Variants in SNTG1 observed in about 807,000 individuals in gnomAD.
SNTG1 encodes syntrophin gamma 1.
In SNTG1, 39 loss-of-function variants were observed where a neutral mutation model predicts 74.7. That is an observed-to-expected ratio of 0.52 (90% CI 0.40 to 0.68). The LOEUF (loss-of-function observed/expected upper bound fraction) is 0.68. SNTG1 is among the 30% of genes least tolerant of loss of function. SNTG1 has a pLI of 0.00. For synonymous variants in SNTG1, 254 were observed against 217.1 expected (o/e 1.17, Z -1.49); for missense variants, 685 against 609.5 (o/e 1.12, Z -1.30).
intron 2 of SNTG1, among the ~76,000 whole-genome samples, chr8:50,188,533 A>T (rs1312799752): frequency 1.3e-5 from 2 of 152,116 alleles, no homozygotes; most frequent in Admixed American, 6.6e-5. Flanking sequence ...GGGTACTCTC[A>T]TGTGGGTTCA....
At chr8:50,699,424 A>G (rs575857350) in intron 15 of SNTG1, among the ~76,000 whole-genome samples, 1 of 152,278 alleles carries the variant, frequency 6.6e-6, no homozygotes, top group Admixed American at 6.5e-5. Context: ...TTTTGCTTTC[A>G]TATGTGCAAA....
chr8:50,372,214 C>A (rs2092284870), intron 2 of SNTG1, among the ~76,000 whole-genome samples: 1 of 149,898 alleles, frequency 6.7e-6, no homozygotes, highest in East Asian at 1.9e-4. Context: ...ATTGATCTTT[C>A]TCTGTGTGTG....
chr8:50,735,711 C>T (rs745715322), intron 17 of SNTG1, among the ~76,000 whole-genome samples: 15 of 152,048 alleles, frequency 9.9e-5, no homozygotes, highest in Non-Finnish European at 1.8e-4. Flanking sequence ...GGATAATATC[C>T]AGGAGAACTT....
At chr8:50,696,063 T>C (rs752302594) in intron 15 of SNTG1, among the ~76,000 whole-genome samples, 6 of 152,008 alleles carry the variant, frequency 3.9e-5, no homozygotes, top group Non-Finnish European at 7.4e-5. Flanking sequence ...ATAAAGTTTG[T>C]ACCAATTTAC....
chr8:50,721,141 A>C (rs944637322), intron 17 of SNTG1, among the ~76,000 whole-genome samples: 4 of 152,172 alleles, frequency 2.6e-5, no homozygotes, highest in Non-Finnish European at 5.9e-5. Context: ...AATGCATTAC[A>C]GTTTTGAATG....
chr8:50,038,039 C>A (rs142904034), intron 1 of SNTG1, among the ~76,000 whole-genome samples: 1 of 152,134 alleles, frequency 6.6e-6, no homozygotes, highest in Non-Finnish European at 1.5e-5. Context: ...ACTCCAACTA[C>A]GATACGCTTT....
At chr8:50,262,112 A>C (rs962706458) in intron 2 of SNTG1, among the ~76,000 whole-genome samples, 1 of 152,174 alleles carries the variant, frequency 6.6e-6, no homozygotes, top group Non-Finnish European at 1.5e-5. Flanking sequence ...TAAATAACAC[A>C]TGGGTCAAAG....
intron 8 of SNTG1, among the ~76,000 whole-genome samples, chr8:50,495,951 C>A (rs984802595): frequency 1.2e-4 from 18 of 152,110 alleles, no homozygotes; most frequent in African/African-American, 4.3e-4. Flanking sequence ...CTGTAAAAAG[C>A]CAAGTTCTTA....
chr8:50,368,195 G>A (rs2092169656), intron 2 of SNTG1, among the ~76,000 whole-genome samples: 1 of 152,164 alleles, frequency 6.6e-6, no homozygotes, highest in South Asian at 2.1e-4. Context: ...GCCACTGTAA[G>A]CTGGAGGAAA....
chr8:50,086,092 A>G (rs753597080), intron 1 of SNTG1, among the ~76,000 whole-genome samples: 2 of 152,192 alleles, frequency 1.3e-5, no homozygotes, highest in Non-Finnish European at 2.9e-5. Flanking sequence ...ACAAGCTTTC[A>G]TGATTTTCTT....
chr8:50,224,471 C>T, intron 2 of SNTG1, among the ~76,000 whole-genome samples: 1 of 152,170 alleles, frequency 6.6e-6, no homozygotes, highest in East Asian at 1.9e-4. Context: ...GGACCCTAGG[C>T]CTCAAGGATG....
At chr8:50,607,798 A>C (rs2094823404) in intron 13 of SNTG1, among the ~76,000 whole-genome samples, 1 of 151,392 alleles carries the variant, frequency 6.6e-6, no homozygotes, top group Non-Finnish European at 1.5e-5. Flanking sequence ...GCTTATTGAA[A>C]TGTAACATAA....
intron 1 of SNTG1, among the ~76,000 whole-genome samples, chr8:49,959,226 C>G (rs1810463664): frequency 6.6e-6 from 1 of 152,188 alleles, no homozygotes; most frequent in East Asian, 1.9e-4. Flanking sequence ...TCTCCTCCCT[C>G]CTTGCTGTCC....
chr8:50,152,949 C>T (rs552599671), intron 1 of SNTG1, among the ~76,000 whole-genome samples: 1 of 152,196 alleles, frequency 6.6e-6, no homozygotes, highest in South Asian at 2.1e-4. Flanking sequence ...TGAATGTTGG[C>T]CTGCCTTGCT....
chr8:50,306,339 C>T, intron 2 of SNTG1, among the ~76,000 whole-genome samples: 1 of 151,876 alleles, frequency 6.6e-6, no homozygotes, highest in African/African-American at 2.4e-5. Flanking sequence ...AAATTGTAAA[C>T]TGGGCTGCAA....
At chr8:50,592,481 T>G (rs1040132356) in intron 13 of SNTG1, among the ~76,000 whole-genome samples, 2 of 152,172 alleles carry the variant, frequency 1.3e-5, no homozygotes, top group African/African-American at 4.8e-5. Flanking sequence ...CTAACACTTC[T>G]CATGTAGTCA....
chr8:50,525,487 C>A (rs561726625), intron 9 of SNTG1, among the ~76,000 whole-genome samples: 2 of 151,976 alleles, frequency 1.3e-5, no homozygotes, highest in African/African-American at 2.4e-5. Flanking sequence ...CTTCTTTTTT[C>A]GGACTTCTAT....
chr8:50,241,180 G>A (rs2086148547), intron 2 of SNTG1, among the ~76,000 whole-genome samples: 2 of 152,118 alleles, frequency 1.3e-5, no homozygotes, highest in African/African-American at 4.8e-5. Context: ...CATTTGTTTT[G>A]TGTTTTTAAT....
intron 4 of SNTG1, among the ~76,000 whole-genome samples, chr8:50,425,678 C>A (rs2093154857): frequency 6.6e-6 from 1 of 152,026 alleles, no homozygotes; most frequent in Non-Finnish European, 1.5e-5. Flanking sequence ...TCCCTCATGC[C>A]AAAAAGGTTA....
Sources: gnomAD v4.1 joint callset for allele counts (sites outside exome capture counted in the v4.1 genomes callset) on GRCh38, gnomAD v4.1.1 for gene constraint, MANE v1.5 for transcripts, NCBI Gene and HGNC (gene_info 2026-07-23, HGNC 2026-07-21) for gene names.